The following NRXN1 variants were observed in gnomAD, a reference collection of about 807,000 sequenced individuals.
NRXN1 encodes neurexin 1, also known as neurexin-1.
NRXN1 carries 39 observed loss-of-function variants against 150.9 expected under a neutral mutation model. The ratio of observed to expected loss-of-function variants is 0.26; its 90% CI spans 0.20 to 0.34. The LOEUF is 0.34. NRXN1 is among the 10% of genes least tolerant of loss of function. The pLI, the probability that NRXN1 is intolerant of heterozygous loss-of-function variation, is 1.00. For synonymous variants in NRXN1, 924 were observed against 757.0 expected (o/e 1.22, Z -3.62); for missense variants, 1,815 against 1,949.9 (o/e 0.93, Z 1.30).
chr2:50,293,736 A>C (rs1170516910), intron 17 of NRXN1, among the ~76,000 whole-genome samples: 1 of 152,160 alleles, frequency 6.6e-6, no homozygotes, highest in Non-Finnish European at 1.5e-5. Flanking sequence ...CAAGACAGAA[A>C]GGTGAGCCAC....
intron 18 of NRXN1, among the ~76,000 whole-genome samples, chr2:50,162,944 G>C (rs2059448311): frequency 6.6e-6 from 1 of 151,576 alleles, no homozygotes; most frequent in East Asian, 1.9e-4. Flanking sequence ...TACTATAACT[G>C]CTTTTACTAT....
intron 21 of NRXN1, among the ~76,000 whole-genome samples, chr2:50,005,685 T>C (rs1684647021): frequency 6.6e-6 from 1 of 152,182 alleles, no homozygotes; most frequent in African/African-American, 2.4e-5. Context: ...GTCTAACCTC[T>C]TTTATAGAGT....
At chr2:49,986,591 G>GT (rs1162562708) in intron 21 of NRXN1, among the ~76,000 whole-genome samples, 2 of 152,044 alleles carry the variant, frequency 1.3e-5, no homozygotes, top group African/African-American at 4.8e-5. Context: ...AAAGGGTAAA[G>GT]TTTTTTCTTT....
intron 21 of NRXN1, among the ~76,000 whole-genome samples, chr2:49,947,450 G>A (rs1461469919): frequency 6.6e-6 from 1 of 150,630 alleles, no homozygotes; most frequent in Admixed American, 6.6e-5. Context: ...CTTTTTGACT[G>A]CTAAACATTC....
Position 50,681,296 on chromosome 2 carries a change from C to T in NRXN1, c.833-57681G>A, listed in dbSNP as rs114388621. On this transcript the variant is annotated intron_variant, in intron 5 of 22. Coordinates refer to ENST00000401669, the MANE Select transcript of NRXN1 (RefSeq NM_001330078.2). ...ATGTTTAAGAAGCACAGATTATTTGCTCAGAAGACTAGACCAACTGGAAAT... is the reference window on the plus strand; with the variant it reads ...ATGTTTAAGAAGCACAGATTATTTGTTCAGAAGACTAGACCAACTGGAAAT... Among the ~76,000 whole-genome samples, 662 of 152,292 alleles carry T rather than the reference C, an allele frequency of 4.3e-3. 6 individuals carry two copies. The highest frequency in any genetic ancestry group is 0.015 in the African/African-American group (637 of 41,562).
At chr2:50,116,772 C>T (rs1172623857) in intron 18 of NRXN1, among the ~76,000 whole-genome samples, 1 of 152,076 alleles carries the variant, frequency 6.6e-6, no homozygotes, top group African/African-American at 2.4e-5. Context: ...AAAAAACAAA[C>T]AAACAAAACT....
chr2:50,502,251 G>T (rs1274013004), intron 13 of NRXN1, among the ~76,000 whole-genome samples: 5 of 151,480 alleles, frequency 3.3e-5, no homozygotes, highest in African/African-American at 1.2e-4. Context: ...AGGAAGGAGG[G>T]AAAAAATAAA....
intron 2 of NRXN1, among the ~76,000 whole-genome samples, chr2:50,965,704 G>A (rs1693956926): frequency 6.6e-6 from 1 of 151,296 alleles, no homozygotes; most frequent in Non-Finnish European, 1.5e-5. Context: ...TTTTAATGCT[G>A]ACAAGAAATT....
At chr2:51,014,893 T>G (rs965059498) in intron 2 of NRXN1, among the ~76,000 whole-genome samples, 1 of 152,056 alleles carries the variant, frequency 6.6e-6, no homozygotes, top group African/African-American at 2.4e-5. Flanking sequence ...TTGTTGTTGA[T>G]GTTGTCAGTT....
chr2:50,580,113 T>C (rs959187692), intron 8 of NRXN1, among the ~76,000 whole-genome samples: 15 of 152,328 alleles, frequency 9.8e-5, no homozygotes, highest in African/African-American at 3.6e-4. Context: ...TCAATAAATA[T>C]TTACAGAATT....
chr2:50,337,083 CTT>C (rs768582035), intron 17 of NRXN1, among the ~76,000 whole-genome samples: 4,863 of 132,974 alleles, frequency 0.037, 191 homozygotes, highest in East Asian at 0.11. Context: ...TTTTCTTTTT[CTT>C]TTTTTTTTTT....
intron 5 of NRXN1, among the ~76,000 whole-genome samples, chr2:50,753,908 G>A (rs1202747747): frequency 3.7e-5 from 5 of 133,438 alleles, no homozygotes; most frequent in African/African-American, 1.4e-4. Flanking sequence ...TCATTTAGCA[G>A]CTCATTATTT....
At chr2:50,798,806 A>T (rs749439860) in intron 5 of NRXN1, among the ~76,000 whole-genome samples, 2 of 152,208 alleles carry the variant, frequency 1.3e-5, no homozygotes, top group Non-Finnish European at 2.9e-5. Context: ...AAAACTGTTT[A>T]AATTTTTATT....
At chr2:50,723,288 A>C (rs2105139292) in intron 5 of NRXN1, among the ~76,000 whole-genome samples, 1 of 152,316 alleles carries the variant, frequency 6.6e-6, no homozygotes, top group Non-Finnish European at 1.5e-5. Flanking sequence ...GTCTAAAAGT[A>C]AAAGCTTAGA....
intron 22 of NRXN1, among the ~76,000 whole-genome samples, chr2:49,940,833 G>C (rs1490400979): frequency 6.6e-6 from 1 of 152,124 alleles, no homozygotes; most frequent in Non-Finnish European, 1.5e-5. Context: ...ATCAAGACCG[G>C]GGGAGATAAG....
rs2070888649 is a variant in NRXN1 at position 50,278,281 on chromosome 2, A to G, written c.3365-41311T>C. On this transcript the variant is annotated intron_variant, in intron 17 of 22. Coordinates refer to ENST00000401669, the MANE Select transcript of NRXN1 (RefSeq NM_001330078.2). ...TATATATATTATATATGTATTATAT[A>G]TATAATACATATATAATATATATTT... 8.0e-5 allele frequency among the ~76,000 whole-genome samples: 7 copies of G among 87,392 alleles called. No homozygotes were observed. The South Asian group carries it at 2.2e-3, about 27-fold the overall frequency. The allele number at this position is 87,392 out of a possible 152,430, so 57.3% of individuals were successfully genotyped here.
At chr2:50,937,462 G>T (rs1171977523) in intron 2 of NRXN1, among the ~76,000 whole-genome samples, 1 of 152,126 alleles carries the variant, frequency 6.6e-6, no homozygotes, top group African/African-American at 2.4e-5. Flanking sequence ...ACTTGCCGCA[G>T]TGAGCTTTCT....
At chr2:50,562,536 T>C (rs956814034) in intron 8 of NRXN1, among the ~76,000 whole-genome samples, 4 of 152,134 alleles carry the variant, frequency 2.6e-5, no homozygotes, top group African/African-American at 9.6e-5. Flanking sequence ...AACAATTTCA[T>C]GTAAAATATT....
chr2:50,734,260 C>T (rs1014329745), intron 5 of NRXN1, among the ~76,000 whole-genome samples: 2 of 152,072 alleles, frequency 1.3e-5, no homozygotes, highest in East Asian at 1.9e-4. Context: ...TATTTTCAAG[C>T]AAATTTCTTA....
Sources: gnomAD v4.1 joint callset for allele counts (sites outside exome capture counted in the v4.1 genomes callset) on GRCh38, gnomAD v4.1.1 for gene constraint, MANE v1.5 for transcripts, NCBI Gene and HGNC (gene_info 2026-07-23, HGNC 2026-07-21) for gene names.